The following TLE2 variants were observed in gnomAD, a reference collection of about 807,000 sequenced individuals.
The protein encoded by TLE2 is TLE family member 2, transcriptional corepressor, also known as transducin-like enhancer protein 2.
TLE2 carries 74 observed loss-of-function variants against 97.2 expected under a neutral mutation model. The ratio of observed to expected loss-of-function variants is 0.76; its 90% CI spans 0.63 to 0.92. The LOEUF is 0.92. Ranked by LOEUF, TLE2 falls within the 40% of genes least tolerant of loss-of-function variation. The pLI is 0.00. For synonymous variants in TLE2, 499 were observed against 432.1 expected (o/e 1.15, Z -1.92); for missense variants, 1,038 against 1,008.7 (o/e 1.03, Z -0.39).
intron 7 of TLE2, among the ~76,000 whole-genome samples, chr19:3,018,107 C>T (rs1470103763): frequency 6.6e-6 from 1 of 151,998 alleles, no homozygotes; most frequent in Non-Finnish European, 1.5e-5. Context: ...ATGTTGAACC[C>T]CAGGGCCTTG....
chr19:2,999,274 T>G (rs1402519661), intron 19 of TLE2, among the ~76,000 whole-genome samples: 2 of 151,436 alleles, frequency 1.3e-5, no homozygotes, highest in Non-Finnish European at 2.9e-5. Flanking sequence ...AGAGAAGGAC[T>G]CCGTGTCAAA....
intron 19 of TLE2, 53 bp from the exon 20 acceptor site, chr19:2,998,008 ATGGG>A: frequency 7.3e-7 from 1 of 1,362,860 alleles, no homozygotes; most frequent in Non-Finnish European, 1.0e-6. Context: ...GTCCCCACAG[ATGGG>A]TGTGTGGGCA....
At chr19:3,035,699 T>A (rs2090057032) in intron 1 of TLE2, among the ~76,000 whole-genome samples, 1 of 152,120 alleles carries the variant, frequency 6.6e-6, no homozygotes, top group African/African-American at 2.4e-5. Flanking sequence ...CATGGGTCAG[T>A]GACGTCACAT....
At chr19:3,025,969 C>G (rs963701367) in intron 4 of TLE2, among the ~76,000 whole-genome samples, 1 of 152,120 alleles carries the variant, frequency 6.6e-6, no homozygotes, top group African/African-American at 2.4e-5. Flanking sequence ...AGCCCACCCC[C>G]TTCTCCTTCC....
intron 14 of TLE2, among the ~76,000 whole-genome samples, chr19:3,007,911 C>A (rs189731299): frequency 9.2e-4 from 140 of 152,102 alleles, no homozygotes; most frequent in Non-Finnish European, 1.7e-3. Flanking sequence ...ATGGTGAAAC[C>A]CTGTCTCTAC....
chr19:3,024,705 A>C (rs941840085), intron 5 of TLE2, among the ~76,000 whole-genome samples: 5 of 152,198 alleles, frequency 3.3e-5, no homozygotes, highest in Non-Finnish European at 7.3e-5. Context: ...GCCTGAGGCC[A>C]CACAGCCAGG....
intron 17 of TLE2, among the ~76,000 whole-genome samples, chr19:3,003,267 A>G (rs2089405885): frequency 6.6e-6 from 1 of 152,202 alleles, no homozygotes. Flanking sequence ...ACAGCCAGGC[A>G]AGGACAATCA....
Position 3,028,400 on chromosome 19 carries a change from G to T in TLE2, c.123-18C>A. 1 of 1,590,904 alleles carries T rather than the reference G, an allele frequency of 6.3e-7. No homozygotes were observed. The highest frequency in any genetic ancestry group is 8.6e-7 in the Non-Finnish European group (1 of 1,167,856). ...GCTTGAGGCTGAGAAGAAGAGAGAG[G>T]GCAAGGGGCTCCCACCCGCCCCATG... On this transcript the variant is annotated intron_variant, in intron 2 of 19. Transcript: ENST00000262953.
At chr19:3,010,882 C>G in intron 12 of TLE2, 140 bp downstream of exon 12, 1 of 1,206,180 alleles carries the variant, frequency 8.3e-7, no homozygotes, top group Non-Finnish European at 1.1e-6. Flanking sequence ...GAGGCAGCGT[C>G]TAACTTGAAG....
At chr19:2,999,913 A>G (rs1479649012) in intron 19 of TLE2, among the ~76,000 whole-genome samples, 20 of 135,692 alleles carry the variant, frequency 1.5e-4, no homozygotes, top group African/African-American at 4.4e-4. Context: ...CATGCCTGTA[A>G]TCCCAGCTAC....
intron 14 of TLE2, among the ~76,000 whole-genome samples, chr19:3,007,148 C>A (rs1442239749): frequency 6.6e-6 from 1 of 151,440 alleles, no homozygotes; most frequent in Non-Finnish European, 1.5e-5. Context: ...AGGGCAGTAG[C>A]GTGATCTGGA....
Position 3,011,172 on chromosome 19 carries a change from G to C in TLE2, c.874-12C>G. The C allele has an allele frequency of 2.5e-6, 4 of 1,575,834 alleles. No homozygotes were observed. Among genetic ancestry groups the C allele is most frequent in the Non-Finnish European group, 3.4e-6 (4 of 1,160,656 alleles). On this transcript the variant is annotated splice_polypyrimidine_tract_variant and intron_variant, in intron 11 of 19. Transcript: ENST00000262953. ...GCGGGAAGGTCATTCTGCAGAGAAA[G>C]GGCAGGACTGAAGGCCACCAGGCAC... is the stretch of plus-strand genomic sequence containing the variant.
chr19:3,006,170 T>C, intron 15 of TLE2: 1 of 943,178 alleles, frequency 1.1e-6, no homozygotes, highest in Non-Finnish European at 1.7e-6. Flanking sequence ...CCTTTACCTA[T>C]AAGCCCCACC....
chr19:3,042,175 A>T (rs1368320037), intron 1 of TLE2, among the ~76,000 whole-genome samples: 2 of 139,654 alleles, frequency 1.4e-5, no homozygotes, highest in East Asian at 4.3e-4. Flanking sequence ...AGGAGGAGAG[A>T]ATGGAGGAGG....
intron 13 of TLE2, 107 bp from the exon 14 acceptor site, chr19:3,009,052 A>G (rs1253825575): frequency 1.2e-6 from 1 of 836,068 alleles, no homozygotes; most frequent in African/African-American, 1.8e-5. Flanking sequence ...CCCCTCCCCA[A>G]GGCAGCAGAG....
Position 3,005,706 on chromosome 19 carries a change from G to T in TLE2, c.1748+15C>A. 1 of 1,610,348 alleles carries T rather than the reference G, an allele frequency of 6.2e-7. No homozygotes were observed. On this transcript the variant is annotated intron_variant, in intron 16 of 19. Coordinates refer to ENST00000262953, the MANE Select transcript of TLE2 (RefSeq NM_003260.5). Reference sequence around the variant, plus strand: ...CCGGGGGCTTGCCCAAGGTCCCAGCGCACCTGCCACCCACCTGACCATAGT... The same window carrying T: ...CCGGGGGCTTGCCCAAGGTCCCAGCTCACCTGCCACCCACCTGACCATAGT...
upstream of TLE2, among the ~76,000 whole-genome samples, chr19:3,031,342 T>TTTTGTG (rs1330861040): frequency 7.1e-6 from 1 of 139,900 alleles, no homozygotes; most frequent in Non-Finnish European, 1.5e-5. Flanking sequence ...AAAGATACAA[T>TTTTGTG]TGTGTGTGTG....
intron 5 of TLE2, among the ~76,000 whole-genome samples, chr19:3,023,816 C>T (rs975317560): frequency 4.6e-5 from 7 of 151,604 alleles, no homozygotes; most frequent in Middle Eastern, 3.4e-3. Context: ...CGCTTGCACC[C>T]AGGAGGTGGA....
intron 5 of TLE2, among the ~76,000 whole-genome samples, chr19:3,022,339 T>A (rs972067076): frequency 6.6e-6 from 1 of 151,898 alleles, no homozygotes; most frequent in Non-Finnish European, 1.5e-5. Context: ...CTGGCCAACA[T>A]GGTGAAACCA....
Sources: gnomAD v4.1 joint callset for allele counts (sites outside exome capture counted in the v4.1 genomes callset) on GRCh38, gnomAD v4.1.1 for gene constraint, MANE v1.5 for transcripts, NCBI Gene and HGNC (gene_info 2026-07-23, HGNC 2026-07-21) for gene names.